Variants in ZNF138 observed in about 807,000 individuals in gnomAD.
ZNF138 encodes the protein zinc finger protein 138 (clone pHZ-32).
A neutral mutation model predicts 33.0 loss-of-function variants in ZNF138; 33 were observed. That is an observed-to-expected ratio of 1.00 (90% CI 0.76 to 1.34). ZNF138 has a LOEUF of 1.34. Among genes scored for constraint, ZNF138 ranks in the 40% most tolerant of loss-of-function variants. ZNF138 has a pLI of 0.00. For missense variants in ZNF138, 360 were observed against 370.8 expected (o/e 0.97, Z 0.24); for synonymous variants, 139 against 120.4 (o/e 1.15, Z -1.01).
chr7:64,835,990 A>G (rs756457251), downstream of ZNF138: 4 of 152,258 alleles, frequency 2.6e-5, no homozygotes, highest in Non-Finnish European at 5.9e-5. Context: ...GAGAGAGACG[A>G]GTAAGCACAA....
intron 1 of ZNF138, among the ~76,000 whole-genome samples, chr7:64,799,692 G>T (rs913690381): frequency 6.6e-6 from 1 of 152,132 alleles, no homozygotes; most frequent in East Asian, 1.9e-4. Context: ...TGCCCAGGCT[G>T]GAGTGCAATG....
chr7:64,825,478 C>CT (rs1361060092), intron 3 of ZNF138, among the ~76,000 whole-genome samples: 2 of 149,276 alleles, frequency 1.3e-5, no homozygotes, highest in Non-Finnish European at 3.0e-5. Flanking sequence ...GGATTGTATG[C>CT]TTTTTTCTTA....
chr7:64,825,529 T>A (rs1789529365), intron 3 of ZNF138, among the ~76,000 whole-genome samples: 2 of 149,980 alleles, frequency 1.3e-5, no homozygotes, highest in Admixed American at 1.3e-4. Context: ...TTTTTTTTGC[T>A]ATTTATTTAT....
At chr7:64,852,505 A>G in the ZNF138 span, 10,309 of 1,575,000 alleles carry the variant, frequency 6.5e-3, 576 homozygotes, top group African/African-American at 0.12. Flanking sequence ...CCTTCTCTAC[A>G]ATCCCAATAA....
chr7:64,814,850 A>C, intron 1 of ZNF138, 68 bp from the exon 2 acceptor site: 1 of 1,595,510 alleles, frequency 6.3e-7, no homozygotes, highest in Non-Finnish European at 8.6e-7. Flanking sequence ...ACCTTGAGTC[A>C]AATTTAAAAT....
chr7:64,826,711 G>A (rs1044950648), intron 3 of ZNF138, among the ~76,000 whole-genome samples: 5 of 152,026 alleles, frequency 3.3e-5, no homozygotes, highest in Non-Finnish European at 5.9e-5. Flanking sequence ...GTGCAATGGT[G>A]TTATCTCGGT....
chr7:64,814,324 T>C (rs929918682), intron 1 of ZNF138, among the ~76,000 whole-genome samples: 2 of 152,244 alleles, frequency 1.3e-5, no homozygotes, highest in East Asian at 1.9e-4. Flanking sequence ...GATGCACATA[T>C]AGCACTCAGA....
chr7:64,813,504 G>A (rs1213547020), intron 1 of ZNF138, among the ~76,000 whole-genome samples: 2 of 149,226 alleles, frequency 1.3e-5, no homozygotes, highest in Non-Finnish European at 3.0e-5. Context: ...CGGGATCTCC[G>A]CTCACTGCAA....
At chr7:64,834,599 A>G (rs899144056), downstream of ZNF138, among the ~76,000 whole-genome samples, 11 of 152,234 alleles carry the variant, frequency 7.2e-5, no homozygotes, top group African/African-American at 2.7e-4. Flanking sequence ...TGCATTCACT[A>G]GTGAAAGCAT....
chr7:64,860,189 A>G, the ZNF138 span, among the ~76,000 whole-genome samples: 3 of 152,196 alleles, frequency 2.0e-5, no homozygotes, highest in Non-Finnish European at 4.4e-5. Context: ...TGTTGGGTAC[A>G]CTGTCATATT....
intron 1 of ZNF138, 77 bp from the exon 2 acceptor site, chr7:64,814,841 C>T: frequency 1.9e-6 from 3 of 1,574,542 alleles, no homozygotes; most frequent in Non-Finnish European, 2.6e-6. Context: ...TCTTATTTTA[C>T]CTTGAGTCAA....
chr7:64,797,472 G>A (rs558975383), intron 1 of ZNF138, among the ~76,000 whole-genome samples: 42 of 152,200 alleles, frequency 2.8e-4, no homozygotes, highest in Admixed American at 1.9e-3. Context: ...TAAAGCTTGC[G>A]CCAGTGACTG....
At chr7:64,805,129 T>G (rs1787471803) in intron 1 of ZNF138, among the ~76,000 whole-genome samples, 1 of 152,150 alleles carries the variant, frequency 6.6e-6, no homozygotes, top group Admixed American at 6.5e-5. Flanking sequence ...CCGGGCGCAG[T>G]GGCTCACACC....
downstream of ZNF138, among the ~76,000 whole-genome samples, chr7:64,838,472 C>T (rs112327513): frequency 4.6e-5 from 7 of 152,282 alleles, no homozygotes; most frequent in African/African-American, 1.7e-4. Context: ...GAGATCGTAC[C>T]TCTACCTCTC....
the ZNF138 span, among the ~76,000 whole-genome samples, chr7:64,841,117 CTT>C: frequency 6.6e-6 from 1 of 151,956 alleles, no homozygotes; most frequent in Non-Finnish European, 1.5e-5. Flanking sequence ...TTTCTTGTCT[CTT>C]ACGATTTTTT....
chr7:64,806,496 G>A (rs1446381646), intron 1 of ZNF138, among the ~76,000 whole-genome samples: 1 of 152,154 alleles, frequency 6.6e-6, no homozygotes, highest in Non-Finnish European at 1.5e-5. Flanking sequence ...ACAATGTACA[G>A]ATGACACCTG....
chr7:64,836,021 T>G (rs1331067174), downstream of ZNF138: 2 of 152,238 alleles, frequency 1.3e-5, no homozygotes, highest in Non-Finnish European at 2.9e-5. Context: ...CCAGTTGAGT[T>G]AAGAACTTTA....
the ZNF138 span, among the ~76,000 whole-genome samples, chr7:64,838,984 A>G: frequency 6.6e-6 from 1 of 152,132 alleles, no homozygotes; most frequent in Non-Finnish European, 1.5e-5. Context: ...GACAAGATTA[A>G]TGGCAAGAGA....
rs556902745 is a variant in ZNF138 at position 64,823,864 on chromosome 7, G to A, written c.209-7587G>A. On this transcript the variant is annotated intron_variant, in intron 3 of 3. Coordinates refer to ENST00000307355, the MANE Select transcript of ZNF138 (RefSeq NM_001271639.2). ...GAGGCAGAAGAATCACTTGAACACC[G>A]GAAGCAGAGGTTGCAGTGAGCTGAG... 1.4e-4 allele frequency among the ~76,000 whole-genome samples: 22 copies of A among 152,278 alleles called. No individual in the cohort carries two copies. The South Asian group carries it at 2.7e-3, about 19-fold the overall frequency.
Sources: gnomAD v4.1 joint callset for allele counts (sites outside exome capture counted in the v4.1 genomes callset) on GRCh38, gnomAD v4.1.1 for gene constraint, MANE v1.5 for transcripts, NCBI Gene and HGNC (gene_info 2026-07-23, HGNC 2026-07-21) for gene names.